KDM4C: variants seen among roughly 807,000 people sequenced by gnomAD.
KDM4C encodes lysine demethylase 4C, also known as lysine-specific demethylase 4C.
Under a neutral mutation model 129.3 loss-of-function variants are expected in KDM4C, and 81 were observed. The observed-to-expected ratio is 0.63, with a 90% CI of 0.52 to 0.75. KDM4C has a LOEUF of 0.75. Ranked by LOEUF, KDM4C falls within the 30% of genes least tolerant of loss-of-function variation. The pLI is 0.00. For missense variants in KDM4C, 1,457 were observed against 1,304.0 expected (o/e 1.12, Z -1.81); for synonymous variants, 573 against 456.1 (o/e 1.26, Z -3.26).
At chr9:7,155,907 A>T (rs1843118637) in intron 19 of KDM4C, among the ~76,000 whole-genome samples, 1 of 152,214 alleles carries the variant, frequency 6.6e-6, no homozygotes, top group Non-Finnish European at 1.5e-5. Context: ...TGGTATTTCT[A>T]GTTCTAGATC....
At chr9:7,145,256 A>C (rs1008426578) in intron 19 of KDM4C, among the ~76,000 whole-genome samples, 2 of 152,118 alleles carry the variant, frequency 1.3e-5, no homozygotes, top group African/African-American at 4.8e-5. Flanking sequence ...CCTTTTGCAT[A>C]TTCTCTATGC....
intron 8 of KDM4C, among the ~76,000 whole-genome samples, chr9:6,916,506 T>G (rs536879342): frequency 1.4e-4 from 21 of 152,174 alleles, no homozygotes; most frequent in Non-Finnish European, 2.9e-4. Context: ...GTGATCCTCC[T>G]GCATTGGCCT....
intron 5 of KDM4C, among the ~76,000 whole-genome samples, chr9:6,876,502 T>C (rs1168611322): frequency 6.6e-6 from 1 of 152,224 alleles, no homozygotes; most frequent in Non-Finnish European, 1.5e-5. Context: ...CGTTCCCCTC[T>C]ACCGAGGAAG....
At chr9:6,900,096 C>T (rs746427532) in intron 8 of KDM4C, among the ~76,000 whole-genome samples, 1 of 152,166 alleles carries the variant, frequency 6.6e-6, no homozygotes, top group Non-Finnish European at 1.5e-5. Flanking sequence ...GCACTAGACA[C>T]ATCTTATTTT....
chr9:6,754,508 C>A (rs1482155922), upstream of KDM4C, among the ~76,000 whole-genome samples: 2 of 152,112 alleles, frequency 1.3e-5, no homozygotes, highest in African/African-American at 4.8e-5. Flanking sequence ...CCACTGTGCC[C>A]AGCTCAATTA....
chr9:6,977,144 G>C (rs888738392), intron 8 of KDM4C, among the ~76,000 whole-genome samples: 7 of 152,092 alleles, frequency 4.6e-5, no homozygotes, highest in African/African-American at 1.7e-4. Context: ...CATGTGCCTC[G>C]TGTCATTTGG....
At position 6,814,866 on chromosome 9, in the gene KDM4C, G is replaced by C; in HGVS notation, c.435+121G>C. The C allele has an allele frequency of 9.9e-6, 5 of 503,860 alleles. No homozygotes were observed. The South Asian group carries it at 2.3e-4, about 23-fold the overall frequency. 31.2% of individuals were successfully genotyped at this position (503,860 alleles called of 1,614,324 possible). On this transcript the variant is annotated intron_variant, in intron 4 of 21. Coordinates refer to ENST00000381309, the MANE Select transcript of KDM4C (RefSeq NM_015061.6). Reference sequence around the variant, plus strand: ...TTGGGTGATCCATAATTCCTCAAAGGACAACAGGAAATATTCATCAGTAGG... The same window carrying C: ...TTGGGTGATCCATAATTCCTCAAAGCACAACAGGAAATATTCATCAGTAGG...
chr9:6,963,690 C>A (rs780586463), intron 8 of KDM4C, among the ~76,000 whole-genome samples: 1 of 152,324 alleles, frequency 6.6e-6, no homozygotes, highest in East Asian at 1.9e-4. Flanking sequence ...GAGATCCATT[C>A]CTTCTCTTGC....
Position 6,930,124 on chromosome 9 carries a change from G to A in KDM4C, c.921+36892G>A, listed in dbSNP as rs74909709. Among the ~76,000 whole-genome samples, 1,295 of 152,264 alleles carry A rather than the reference G, an allele frequency of 8.5e-3. 13 individuals carry two copies. The highest frequency in any genetic ancestry group is 0.014 in the Non-Finnish European group (942 of 68,012). ...TGGTGCTATGCTAAGTGTCTCTATC[G>A]CCTAAGATTCCCTGCAGAAATTAAA... On this transcript the variant is annotated intron_variant, in intron 8 of 21. Coordinates refer to ENST00000381309, the MANE Select transcript of KDM4C (RefSeq NM_015061.6).
intron 17 of KDM4C, among the ~76,000 whole-genome samples, chr9:7,084,520 G>C (rs1336929311): frequency 6.6e-6 from 1 of 152,206 alleles, no homozygotes; most frequent in Non-Finnish European, 1.5e-5. Context: ...TCAAAGCATT[G>C]ATTATGGCTT....
chr9:7,153,477 G>C (rs568144973), intron 19 of KDM4C, among the ~76,000 whole-genome samples: 2 of 152,166 alleles, frequency 1.3e-5, no homozygotes, highest in Non-Finnish European at 2.9e-5. Context: ...GAAAACTTGG[G>C]AGACTGCTGC....
chr9:6,956,741 C>A (rs1301614444), intron 8 of KDM4C, among the ~76,000 whole-genome samples: 1 of 152,176 alleles, frequency 6.6e-6, no homozygotes, highest in Admixed American at 6.5e-5. Flanking sequence ...GGCCCAGGGA[C>A]CTCATGTATT....
chr9:7,108,278 C>A (rs1837924430), intron 18 of KDM4C, among the ~76,000 whole-genome samples: 1 of 151,906 alleles, frequency 6.6e-6, no homozygotes, highest in Non-Finnish European at 1.5e-5. Flanking sequence ...ACTCTGTTAC[C>A]CAGGCTGGAG....
intron 19 of KDM4C, among the ~76,000 whole-genome samples, chr9:7,163,074 C>T (rs986408559): frequency 6.6e-6 from 1 of 152,154 alleles, no homozygotes; most frequent in Admixed American, 6.5e-5. Context: ...GGCTCCTCTC[C>T]GTGGAAGGAG....
At chr9:7,099,118 T>G (rs1836789731) in intron 17 of KDM4C, among the ~76,000 whole-genome samples, 1 of 152,222 alleles carries the variant, frequency 6.6e-6, no homozygotes, top group South Asian at 2.1e-4. Flanking sequence ...TGTATCATTA[T>G]CATTAGCCTG....
chr9:7,031,306 G>C (rs914331276), intron 15 of KDM4C, among the ~76,000 whole-genome samples: 1 of 151,914 alleles, frequency 6.6e-6, no homozygotes, highest in African/African-American at 2.4e-5. Context: ...GGGATTACAG[G>C]TGCACACCCC....
At chr9:6,877,178 A>G (rs891243431) in intron 5 of KDM4C, among the ~76,000 whole-genome samples, 1 of 152,120 alleles carries the variant, frequency 6.6e-6, no homozygotes, top group African/African-American at 2.4e-5. Context: ...TGGTATGGAA[A>G]CAGGAAAAAG....
intron 8 of KDM4C, among the ~76,000 whole-genome samples, chr9:6,912,994 A>C (rs1404658188): frequency 6.6e-6 from 1 of 151,788 alleles, no homozygotes; most frequent in African/African-American, 2.4e-5. Flanking sequence ...TATGTTGAGG[A>C]ATTTAACAAA....
chr9:6,954,333 G>A (rs1828697844), intron 8 of KDM4C, among the ~76,000 whole-genome samples: 1 of 152,138 alleles, frequency 6.6e-6, no homozygotes, highest in African/African-American at 2.4e-5. Flanking sequence ...TATGTTCCTG[G>A]AAGAGTGGGG....
Sources: gnomAD v4.1 joint callset for allele counts (sites outside exome capture counted in the v4.1 genomes callset) on GRCh38, gnomAD v4.1.1 for gene constraint, MANE v1.5 for transcripts, NCBI Gene and HGNC (gene_info 2026-07-23, HGNC 2026-07-21) for gene names.